The following NPAS3 variants were observed in gnomAD, a reference collection of about 807,000 sequenced individuals.
NPAS3 encodes the protein neuronal PAS domain protein 3.
A neutral mutation model predicts 73.1 loss-of-function variants in NPAS3; 14 were observed. The ratio of observed to expected loss-of-function variants is 0.19; its 90% CI spans 0.13 to 0.30. The LOEUF (loss-of-function observed/expected upper bound fraction) is 0.30. Among genes scored for constraint, NPAS3 ranks in the 10% least tolerant of loss-of-function variants. NPAS3 has a pLI of 1.00. For synonymous variants in NPAS3, 620 were observed against 541.5 expected, an observed-to-expected ratio of 1.14 and a Z score of -2.01; for missense variants, 1,096 against 1,250.0, an observed-to-expected ratio of 0.88 and a Z score of 1.86.
intron 1 of NPAS3, among the ~76,000 whole-genome samples, chr14:32,968,709 G>T (rs1157270754): frequency 2.6e-5 from 4 of 151,832 alleles, no homozygotes; most frequent in South Asian, 4.2e-4. Flanking sequence ...GGGTGGTTCT[G>T]GTTCAAAGTC....
chr14:33,522,249 T>G (rs563121510), intron 4 of NPAS3, among the ~76,000 whole-genome samples: 9 of 152,324 alleles, frequency 5.9e-5, no homozygotes, highest in African/African-American at 2.2e-4. Context: ...GGGGATGAAA[T>G]ATCATATTTC....
intron 9 of NPAS3, chr14:33,780,890 C>G (rs2062958919): frequency 3.8e-6 from 1 of 263,044 alleles, no homozygotes; most frequent in Admixed American, 5.3e-5. Flanking sequence ...TTTTTCATTA[C>G]TTGATATTGA....
intron 2 of NPAS3, among the ~76,000 whole-genome samples, chr14:33,065,463 A>T (rs989549350): frequency 6.6e-6 from 1 of 152,172 alleles, no homozygotes; most frequent in Non-Finnish European, 1.5e-5. Flanking sequence ...TCCAGTTCTT[A>T]AAGCAGAGAG....
chr14:33,389,686 A>G (rs2046919214), intron 4 of NPAS3, among the ~76,000 whole-genome samples: 1 of 152,110 alleles, frequency 6.6e-6, no homozygotes, highest in Admixed American at 6.6e-5. Context: ...CATCTTTATT[A>G]TTTTTCATCT....
In NPAS3 at chr14:33,692,836, T is replaced by TAAAAAA. The variant is rs34684535; in HGVS notation, c.733+16473_733+16478dup. On this transcript the variant is annotated intron_variant, in intron 6 of 11. Transcript: ENST00000356141. ...CAAGTGTTTAAGTAGCCCAATGTCTTAAAAAAAAAAAAAAAAAAAAAAAAA... is the reference window on the plus strand; with the variant it reads ...CAAGTGTTTAAGTAGCCCAATGTCTTAAAAAAAAAAAAAAAAAAAAAAAAAAAAAAA... Among the ~76,000 whole-genome samples, 58 of 64,044 alleles carry TAAAAAA rather than the reference T, an allele frequency of 9.1e-4. 3 individuals are homozygous for TAAAAAA. The East Asian group carries it at 0.011, about 12-fold the overall frequency. The allele number at this position is 64,044 out of a possible 152,430, so 42.0% of individuals were successfully genotyped here. A position where few individuals can be genotyped will look rare whatever the true frequency, so the allele number is the denominator to read the frequency against.
At chr14:33,121,591 G>A (rs1261279626) in intron 2 of NPAS3, among the ~76,000 whole-genome samples, 2 of 152,164 alleles carry the variant, frequency 1.3e-5, no homozygotes, top group Non-Finnish European at 2.9e-5. Flanking sequence ...TTAGCAATCA[G>A]AACTGCTAGT....
intron 2 of NPAS3, among the ~76,000 whole-genome samples, chr14:33,209,834 A>G (rs1285954042): frequency 6.6e-6 from 1 of 152,190 alleles, no homozygotes; most frequent in Non-Finnish European, 1.5e-5. Context: ...AAGACTAGAT[A>G]TTATATTCTA....
intron 2 of NPAS3, among the ~76,000 whole-genome samples, chr14:33,170,002 C>T (rs59759918): frequency 2.2e-3 from 336 of 152,144 alleles, no homozygotes; most frequent in African/African-American, 7.7e-3. Flanking sequence ...ATTTTGACAT[C>T]GTTACAAAAA....
At chr14:33,749,414 AG>A (rs2061895565) in intron 7 of NPAS3, among the ~76,000 whole-genome samples, 1 of 152,206 alleles carries the variant, frequency 6.6e-6, no homozygotes, top group East Asian at 1.9e-4. Flanking sequence ...TGCCTAGAAT[AG>A]CCCCATAGGC....
chr14:33,174,768 T>G (rs889035431), intron 2 of NPAS3, among the ~76,000 whole-genome samples: 3 of 152,006 alleles, frequency 2.0e-5, no homozygotes, highest in Non-Finnish European at 4.4e-5. Flanking sequence ...AAGGAAGAAA[T>G]TTTAGGATGG....
At chr14:33,215,509 C>G in intron 3 of NPAS3, 83 bp downstream of exon 3, 1 of 1,458,566 alleles carries the variant, frequency 6.9e-7, no homozygotes. Context: ...ATCCTTTCTT[C>G]TTTTCCTGCA....
At chr14:33,584,758 G>A (rs1277630243) in intron 5 of NPAS3, among the ~76,000 whole-genome samples, 1 of 152,180 alleles carries the variant, frequency 6.6e-6, no homozygotes, top group Non-Finnish European at 1.5e-5. Context: ...TACCTCCCAT[G>A]TCATCACAAT....
At chr14:33,694,070 AG>A (rs2060308081) in intron 6 of NPAS3, among the ~76,000 whole-genome samples, 2 of 152,060 alleles carry the variant, frequency 1.3e-5, no homozygotes, top group African/African-American at 4.8e-5. Flanking sequence ...CATTTCTTTC[AG>A]TTTTTTAAGA....
At chr14:33,068,382 T>A (rs913100661) in intron 2 of NPAS3, among the ~76,000 whole-genome samples, 1 of 152,222 alleles carries the variant, frequency 6.6e-6, no homozygotes, top group Non-Finnish European at 1.5e-5. Flanking sequence ...AGTCCCTGCC[T>A]TTGCTTGCTC....
intron 4 of NPAS3, among the ~76,000 whole-genome samples, chr14:33,481,541 A>C (rs565057577): frequency 1.3e-5 from 2 of 152,204 alleles, no homozygotes; most frequent in African/African-American, 2.4e-5. Flanking sequence ...GCCCCAAAGG[A>C]GTAATTAATT....
chr14:33,201,366 G>A (rs556744950), intron 2 of NPAS3, among the ~76,000 whole-genome samples: 55 of 151,718 alleles, frequency 3.6e-4, no homozygotes, highest in Middle Eastern at 3.4e-3. Context: ...TGGCCATGTT[G>A]CCCCATTGCC....
intron 5 of NPAS3, among the ~76,000 whole-genome samples, chr14:33,662,346 A>G (rs1295777130): frequency 1.3e-5 from 2 of 152,240 alleles, no homozygotes; most frequent in Admixed American, 1.3e-4. Context: ...CACTGGTAGC[A>G]CCACTGTTGC....
At chr14:33,771,685 C>A (rs2062657273) in intron 7 of NPAS3, among the ~76,000 whole-genome samples, 1 of 152,062 alleles carries the variant, frequency 6.6e-6, no homozygotes, top group African/African-American at 2.4e-5. Flanking sequence ...GGTGGCGGGG[C>A]CTGTGGTCCC....
At chr14:32,966,607 A>G (rs2037172896) in intron 1 of NPAS3, among the ~76,000 whole-genome samples, 1 of 74,966 alleles carries the variant, frequency 1.3e-5, no homozygotes, top group Non-Finnish European at 3.1e-5. Context: ...CGTCTCTACT[A>G]AAAATACAAA....
Sources: allele counts gnomAD v4.1 joint callset (sites outside exome capture counted in the v4.1 genomes callset), GRCh38; gene constraint gnomAD v4.1.1; transcripts MANE v1.5; gene names NCBI Gene and HGNC (gene_info 2026-07-23, HGNC 2026-07-21).